ELOB: variants seen among roughly 807,000 people sequenced by gnomAD.
ELOB encodes the protein elongin-B.
In ELOB, 3 loss-of-function variants were observed where a neutral mutation model predicts 12.9. That is an observed-to-expected ratio of 0.23 (90% CI 0.11 to 0.60). The LOEUF (loss-of-function observed/expected upper bound fraction) is 0.60, where lower values mean the gene tolerates loss of function less well. ELOB is among the 20% of genes least tolerant of loss of function. ELOB has a pLI of 0.89. For synonymous variants in ELOB, 84 were observed against 67.4 expected (o/e 1.25, Z -1.21); for missense variants, 126 against 159.2 (o/e 0.79, Z 1.12).
In ELOB at chr16:2,777,126, T is replaced by C; in HGVS notation, c.5A>G (p.Asp2Gly). Residue 2 changes from aspartate to glycine, a missense_variant and splice_region_variant, in exon 2 of 4, where the codon GAC becomes GGC. Physicochemically the swap from Asp to Gly is moderately conservative, Grantham distance 94 (BLOSUM62 -1). Transcript: ENST00000409906. ...GTGGCGCCGGATCATGAGGAACACG[T>C]CCTGGGGGCGGCGGGCCGGCGTGAG... M[D>G]VFLMIRRHKT... 6.6e-7 allele frequency: 1 copy of C among 1,525,868 alleles called. No individual in the cohort carries two copies. The highest frequency in any genetic ancestry group is 8.8e-7 in the Non-Finnish European group (1 of 1,134,338). The allele number at this position is 1,525,868 out of a possible 1,614,324, so 94.5% of individuals were successfully genotyped here.
chr16:2,777,139 G>A lies in ELOB; in HGVS notation c.4-12C>T, dbSNP rs1308998473. The stretch of plus-strand genomic sequence containing the variant: ...ATGAGGAACACGTCCTGGGGGCGGC[G>A]GGCCGGCGTGAGCACGAAGCCCGGG... On this transcript the variant is annotated splice_polypyrimidine_tract_variant and intron_variant, in intron 1 of 3. Transcript: ENST00000409906. 1.3e-6 allele frequency: 2 copies of A among 1,492,474 alleles called. No individual in the cohort carries two copies. The highest frequency in any genetic ancestry group is 1.8e-6 in the Non-Finnish European group (2 of 1,113,634). The allele number at this position is 1,492,474 out of a possible 1,614,324, so 92.5% of individuals were successfully genotyped here. A position where few individuals can be genotyped will look rare whatever the true frequency, so the allele number is the denominator to read the frequency against.
chr16:2,772,075 T>C lies in ELOB; in HGVS notation c.272A>G (p.Glu91Gly). The change falls in exon 4 of 4, where the codon GAG becomes GGG. Residue 91 changes from glutamate (E) to glycine (G), a missense_variant. Transcript: ENST00000409906. ...ADDTFEALCI[E>G]PFSSPPELPD... ...CAGCTCTGGCGGGCTGGAAAACGGC[T>C]CGATGCACAGGGCCTCAAAGGTGTC... 1 of 1,612,248 alleles carries C rather than the reference T, an allele frequency of 6.2e-7. No homozygotes were observed. The highest frequency in any genetic ancestry group is 8.5e-7 in the Non-Finnish European group (1 of 1,179,094).
chr16:2,777,100 T>C lies in ELOB; in HGVS notation c.31A>G (p.Lys11Glu). 6.3e-7 allele frequency: 1 copy of C among 1,591,760 alleles called. No individual in the cohort carries two copies. Among genetic ancestry groups the C allele is most frequent in the Middle Eastern group, 2.3e-4 (1 of 4,360 alleles). The change falls in exon 2 of 4, where the codon AAG (lysine) becomes GAG (glutamate). Residue 11 changes from lysine (K) to glutamate (E), a missense_variant. Physicochemically the swap from Lys to Glu is moderately conservative, Grantham distance 56. Coordinates refer to ENST00000409906, the MANE Select transcript of ELOB (RefSeq NM_007108.4). MDVFLMIRRH[K>E]TTIFTDAKES... ...TTGGCGTCCGTGAAGATGGTGGTCT[T>C]GTGGCGCCGGATCATGAGGAACACG...
chr16:2,773,016 G>A (rs2068775869), intron 3 of ELOB, among the ~76,000 whole-genome samples: 2 of 152,184 alleles, frequency 1.3e-5, no homozygotes, highest in Non-Finnish European at 2.9e-5. Context: ...GACACTCTGG[G>A]CGTAGGGGCA....
In ELOB at chr16:2,777,011, G is replaced by A; in HGVS notation, c.120C>T (p.Asp40=). Residue 40 remains aspartate, a synonymous_variant, in exon 2 of 4, where the codon GAC becomes GAT. Transcript: ENST00000409906. ...GACCCACCTTGTACAGCCGCTGCTC[G>A]TCAGGAGGCCGCTTGAGGATGCCCT... ...IVEGILKRPP[D]EQRLYKDDQL... 2 of 1,594,780 alleles carry A rather than the reference G, an allele frequency of 1.3e-6. No homozygotes were observed. Among genetic ancestry groups the A allele is most frequent in the Non-Finnish European group, 1.7e-6 (2 of 1,172,596 alleles).
At chr16:2,774,800 C>T (rs937626957) in intron 3 of ELOB, among the ~76,000 whole-genome samples, 2 of 105,836 alleles carry the variant, frequency 1.9e-5, no homozygotes, top group African/African-American at 3.2e-5. Flanking sequence ...CCCTAATCCC[C>T]AGGTTTCTAA....
At chr16:2,772,294 C>A in intron 3 of ELOB, 192 bp from the exon 4 acceptor site, 2 of 576,948 alleles carry the variant, frequency 3.5e-6, no homozygotes, top group Non-Finnish European at 5.4e-6. Flanking sequence ...GTCTCCTACC[C>A]CTGTGGGCCC....
rs780007460 is a variant in ELOB, at chr16:2,777,147, G to A, written c.4-20C>T. ...CACGTCCTGGGGGCGGCGGGCCGGC[G>A]TGAGCACGAAGCCCGGGCCCCCCGC... On this transcript the variant is annotated intron_variant, in intron 1 of 3. Coordinates refer to ENST00000409906, the MANE Select transcript of ELOB (RefSeq NM_007108.4). 1.4e-6 allele frequency: 2 copies of A among 1,457,848 alleles called. No homozygotes were observed. The highest frequency in any genetic ancestry group is 1.8e-6 in the Non-Finnish European group (2 of 1,092,628). 90.3% of individuals were successfully genotyped at this position (1,457,848 alleles called of 1,614,324 possible). A position where few individuals can be genotyped will look rare whatever the true frequency, so the allele number is the denominator to read the frequency against.
rs1470980651 is a variant in ELOB at position 2,774,496 on chromosome 16, C to CT, written c.244+954_244+955insA. ...AGGGGCAGGAGGGCAAGGTAGCTGG[C>CT]CAGAGGATATAGCTGCTGAGACTGA... On this transcript the variant is annotated intron_variant, in intron 3 of 3. Transcript: ENST00000409906. Among the ~76,000 whole-genome samples the CT allele has an allele frequency of 2.6e-5, 4 of 152,204 alleles. No individual in the cohort carries two copies. The East Asian group carries it at 7.7e-4, about 29-fold the overall frequency.
chr16:2,772,015 C>G lies in ELOB; in HGVS notation c.332G>C (p.Ser111Thr). 1 of 1,613,040 alleles carries G rather than the reference C, an allele frequency of 6.2e-7. No homozygotes were observed. Among genetic ancestry groups the G allele is most frequent in the Non-Finnish European group, 8.5e-7 (1 of 1,179,614 alleles). The part of the protein sequence containing the change: ...DVMKPQDSGS[S>T]ANEQAVQ Reference sequence around the variant, plus strand: ...TCACTGCACGGCTTGTTCATTGGCACTGCTTCCCGAGTCCTGGGGCTTCAT... The same window carrying G: ...TCACTGCACGGCTTGTTCATTGGCAGTGCTTCCCGAGTCCTGGGGCTTCAT... The change falls in exon 4 of 4, where the codon AGT (serine) becomes ACT (threonine). Residue 111 changes from serine (S) to threonine (T), a missense_variant. Ser to Thr is a moderately conservative substitution (Grantham distance 58). Coordinates refer to ENST00000409906, the MANE Select transcript of ELOB (RefSeq NM_007108.4).
rs541931588 is a variant in ELOB at position 2,771,428 on chromosome 16, GTT to G, written c.*560_*561del. 1.2e-6 allele frequency: 2 copies of G among 1,613,666 alleles called. No individual in the cohort carries two copies. Among genetic ancestry groups the G allele is most frequent in the African/African-American group, 2.7e-5 (2 of 74,918 alleles). On this transcript the variant is annotated 3_prime_UTR_variant, in exon 4 of 4. Coordinates refer to ENST00000409906, the MANE Select transcript of ELOB (RefSeq NM_007108.4). Reference sequence around the variant, plus strand: ...AATGCAGGAACTGGGTCTGTAGACTGTTTATTAAAGGTGTGTTAAGGGGGCAG... The same window carrying G: ...AATGCAGGAACTGGGTCTGTAGACTGTATTAAAGGTGTGTTAAGGGGGCAG...
rs764132351 is a variant in ELOB, at chr16:2,771,504, G to A, written c.*486C>T. On this transcript the variant is annotated 3_prime_UTR_variant, in exon 4 of 4. Coordinates refer to ENST00000409906, the MANE Select transcript of ELOB (RefSeq NM_007108.4). ...CCCCAGCGTGGGTGGACCTGTGTGG[G>A]TCCGTCTTGGGGTTCCCTCGTTGAA... 6.2e-7 allele frequency: 1 copy of A among 1,614,194 alleles called. No homozygotes were observed. Among genetic ancestry groups the A allele is most frequent in the South Asian group, 1.1e-5 (1 of 91,076 alleles).
At chr16:2,773,138 C>T (rs3112684) in intron 3 of ELOB, among the ~76,000 whole-genome samples, 120,825 of 151,912 alleles carry the variant, frequency 0.8, 48,569 homozygotes, top group Admixed American at 0.85. Context: ...AGCTTTTCTC[C>T]TGTGCTTTCT....
intron 3 of ELOB, 31 bp from the exon 4 acceptor site, chr16:2,772,133 G>T (rs1482178039): frequency 6.4e-7 from 1 of 1,556,918 alleles, no homozygotes; most frequent in Non-Finnish European, 8.7e-7. Context: ...CTGCAGGGGG[G>T]TATTCCAGCT....
At chr16:2,774,787 A>G (rs1271876994) in intron 3 of ELOB, among the ~76,000 whole-genome samples, 2 of 143,840 alleles carry the variant, frequency 1.4e-5, no homozygotes, top group Non-Finnish European at 3.0e-5. Context: ...GTAGTAAACC[A>G]CTCCCTAATC....
At chr16:2,772,154 C>T (rs1446400537) in intron 3 of ELOB, 52 bp from the exon 4 acceptor site, 2 of 1,517,182 alleles carry the variant, frequency 1.3e-6, no homozygotes, top group Admixed American at 4.5e-5. Context: ...CTTGCCCCAG[C>T]TGGGGCCTTG....
intron 3 of ELOB, among the ~76,000 whole-genome samples, chr16:2,774,318 G>A (rs1040074972): frequency 3.3e-5 from 5 of 152,206 alleles, no homozygotes; most frequent in African/African-American, 7.2e-5. Flanking sequence ...ATCACCATCT[G>A]GGCAGAAAGA....
At chr16:2,776,660 C>A (rs1050892065) in intron 2 of ELOB, among the ~76,000 whole-genome samples, 2 of 152,262 alleles carry the variant, frequency 1.3e-5, no homozygotes, top group African/African-American at 4.8e-5. Flanking sequence ...GGTTCGAACC[C>A]TGGCGCTGCC....
chr16:2,774,071 A>T (rs2068785069), intron 3 of ELOB, among the ~76,000 whole-genome samples: 1 of 152,064 alleles, frequency 6.6e-6, no homozygotes, highest in South Asian at 2.1e-4. Flanking sequence ...CTCTACTAAA[A>T]ACACAAAGAT....
Sources: gnomAD v4.1 joint callset for allele counts (sites outside exome capture counted in the v4.1 genomes callset) on GRCh38, gnomAD v4.1.1 for gene constraint, MANE v1.5 for transcripts, NCBI Gene and HGNC (gene_info 2026-07-23, HGNC 2026-07-21) for gene names.